THSD7B: variants seen among roughly 807,000 people sequenced by gnomAD.
THSD7B encodes the protein thrombospondin type 1 domain containing 7B, also known as thrombospondin type-1 domain-containing protein 7B.
A neutral mutation model predicts 213.6 loss-of-function variants in THSD7B; 138 were observed. The ratio of observed to expected loss-of-function variants is 0.65; its 90% CI spans 0.56 to 0.74. THSD7B has a LOEUF of 0.74. Ranked by LOEUF, THSD7B falls within the 30% of genes least tolerant of loss-of-function variation. The pLI is 0.00. For synonymous variants in THSD7B, 742 were observed against 687.0 expected, an observed-to-expected ratio of 1.08 and a Z score of -1.25; for missense variants, 1,931 against 1,991.5, an observed-to-expected ratio of 0.97 and a Z score of 0.58.
At chr2:137,546,362 TTATATA>T (rs769909811) in intron 15 of THSD7B, among the ~76,000 whole-genome samples, 2 of 55,250 alleles carry the variant, frequency 3.6e-5, no homozygotes, top group Non-Finnish European at 6.6e-5. Context: ...TATATATATA[TTATATA>T]TATATATAAT....
chr2:137,422,348 C>T (rs1686946813), intron 14 of THSD7B, among the ~76,000 whole-genome samples: 1 of 152,164 alleles, frequency 6.6e-6, no homozygotes. Context: ...ATCCCCTTGT[C>T]TCCAGGTCAC....
At chr2:137,490,094 T>C (rs2105120711) in intron 15 of THSD7B, among the ~76,000 whole-genome samples, 1 of 152,288 alleles carries the variant, frequency 6.6e-6, no homozygotes, top group South Asian at 2.1e-4. Context: ...GCAGGGATGA[T>C]GATATAAACT....
Position 137,676,728 on chromosome 2 carries a change from T to C in THSD7B, c.*123T>C. The C allele has an allele frequency of 1.3e-6, 1 of 787,450 alleles. No homozygotes were observed. Among genetic ancestry groups the C allele is most frequent in the Non-Finnish European group, 1.8e-6 (1 of 543,144 alleles). The allele number at this position is 787,450 out of a possible 1,614,324, so 48.8% of individuals were successfully genotyped here. ...GATATATTGGGCAGAATACAAATAT[T>C]GCAAAAGTAATATTGCCTCAACTTC... On this transcript the variant is annotated 3_prime_UTR_variant, in exon 28 of 28. Transcript: ENST00000409968.
intron 2 of THSD7B, among the ~76,000 whole-genome samples, chr2:136,958,766 A>C (rs1685168038): frequency 6.6e-6 from 1 of 152,232 alleles, no homozygotes; most frequent in African/African-American, 2.4e-5. Context: ...GATTAGATCA[A>C]GCTTATTAGA....
intron 12 of THSD7B, among the ~76,000 whole-genome samples, chr2:137,335,906 AT>A (rs1684628473): frequency 6.6e-6 from 1 of 150,946 alleles, no homozygotes; most frequent in South Asian, 2.1e-4. Context: ...ATAGCAGCTT[AT>A]TTTTTCTACT....
intron 14 of THSD7B, among the ~76,000 whole-genome samples, chr2:137,419,727 G>T (rs1024334826): frequency 1.3e-5 from 2 of 151,878 alleles, no homozygotes; most frequent in African/African-American, 4.8e-5. Context: ...AGTCAGAGAG[G>T]TTCTCAATCT....
intron 1 of THSD7B, among the ~76,000 whole-genome samples, chr2:136,872,132 G>A (rs1683439300): frequency 6.6e-6 from 1 of 152,134 alleles, no homozygotes; most frequent in Non-Finnish European, 1.5e-5. Flanking sequence ...GTAGCAGAAG[G>A]CACACAAAAA....
chr2:137,583,000 T>G (rs1181452034), intron 17 of THSD7B, among the ~76,000 whole-genome samples: 2 of 152,190 alleles, frequency 1.3e-5, no homozygotes, highest in Non-Finnish European at 2.9e-5. Context: ...CTCCAGCACC[T>G]GTTGTTTCCT....
At chr2:137,393,033 A>C (rs1371958207) in intron 12 of THSD7B, among the ~76,000 whole-genome samples, 1 of 152,010 alleles carries the variant, frequency 6.6e-6, no homozygotes, top group Non-Finnish European at 1.5e-5. Flanking sequence ...AACCGGTCTG[A>C]CAGTAACGAG....
chr2:136,839,422 A>G (rs1682890375), intron 1 of THSD7B, among the ~76,000 whole-genome samples: 1 of 152,240 alleles, frequency 6.6e-6, no homozygotes, highest in Non-Finnish European at 1.5e-5. Context: ...AGAGTTCAAC[A>G]TGGTTAGTTT....
At chr2:136,975,687 A>G (rs954386195) in intron 2 of THSD7B, among the ~76,000 whole-genome samples, 5 of 152,160 alleles carry the variant, frequency 3.3e-5, no homozygotes, top group Admixed American at 2.0e-4. Context: ...TTGGTACTAC[A>G]TGAATTTTAA....
Position 137,160,438 on chromosome 2 carries a change from C to G in THSD7B, c.1525+70C>G. 8 of 1,533,420 alleles carry G rather than the reference C, an allele frequency of 5.2e-6. No individual in the cohort carries two copies. The South Asian group carries it at 1.0e-4, about 19-fold the overall frequency. 95.0% of individuals were successfully genotyped at this position (1,533,420 alleles called of 1,614,324 possible). The stretch of plus-strand genomic sequence containing the variant: ...AACATTTATTCTGGTAGCTAAGTCA[C>G]TGATTAAGCCTGCTTAAGACAATAT... On this transcript the variant is annotated intron_variant, in intron 6 of 27. Coordinates refer to ENST00000409968, the MANE Select transcript of THSD7B (RefSeq NM_001316349.2).
chr2:137,228,921 C>T (rs934163126), intron 7 of THSD7B, among the ~76,000 whole-genome samples: 5 of 152,126 alleles, frequency 3.3e-5, no homozygotes, highest in African/African-American at 7.2e-5. Context: ...TTAACAATTT[C>T]ATAGTTCTTT....
intron 15 of THSD7B, among the ~76,000 whole-genome samples, chr2:137,489,686 A>G (rs568990965): frequency 6.6e-6 from 1 of 152,208 alleles, no homozygotes; most frequent in South Asian, 2.1e-4. Context: ...ATGATTAAAA[A>G]GAGAAAATCC....
At chr2:137,007,277 C>T (rs1244870688) in intron 2 of THSD7B, among the ~76,000 whole-genome samples, 3 of 152,120 alleles carry the variant, frequency 2.0e-5, no homozygotes, top group African/African-American at 7.2e-5. Flanking sequence ...AAGGGAGAGG[C>T]TTTGTGGGCA....
intron 25 of THSD7B, 54 bp from the exon 26 acceptor site, chr2:137,663,329 T>C: frequency 1.5e-6 from 2 of 1,359,592 alleles, no homozygotes; most frequent in Non-Finnish European, 2.0e-6. Flanking sequence ...ATATTTTTAT[T>C]CATTCACCTG....
chr2:137,591,172 T>C (rs927360980), intron 17 of THSD7B, among the ~76,000 whole-genome samples: 6 of 151,968 alleles, frequency 3.9e-5, no homozygotes, highest in African/African-American at 1.4e-4. Context: ...TTTTCTAATT[T>C]ATCATTTTTA....
At chr2:137,339,876 CT>C (rs551759095) in intron 12 of THSD7B, among the ~76,000 whole-genome samples, 532 of 142,578 alleles carry the variant, frequency 3.7e-3, no homozygotes, top group South Asian at 5.6e-3. Flanking sequence ...AAAGAATGGC[CT>C]TTTTTTTTTT....
intron 1 of THSD7B, among the ~76,000 whole-genome samples, chr2:136,795,286 A>G (rs890489233): frequency 1.3e-5 from 2 of 151,828 alleles, no homozygotes; most frequent in African/African-American, 4.8e-5. Flanking sequence ...GGCTCTCCAC[A>G]TTCCTTGGCT....
Sources: gnomAD v4.1 joint callset for allele counts (sites outside exome capture counted in the v4.1 genomes callset) on GRCh38, gnomAD v4.1.1 for gene constraint, MANE v1.5 for transcripts, NCBI Gene and HGNC (gene_info 2026-07-23, HGNC 2026-07-21) for gene names.